Variants in TNFRSF10D observed in about 807,000 individuals in gnomAD.
The protein encoded by TNFRSF10D is TNF receptor superfamily member 10d.
TNFRSF10D carries 28 observed loss-of-function variants against 42.1 expected under a neutral mutation model. The observed-to-expected ratio is 0.66, with a 90% CI of 0.49 to 0.91. The LOEUF (loss-of-function observed/expected upper bound fraction) is 0.91. Among genes scored for constraint, TNFRSF10D ranks in the 40% least tolerant of loss-of-function variants. The pLI, the probability that TNFRSF10D is intolerant of heterozygous loss-of-function variation, is 0.00. For synonymous variants in TNFRSF10D, 186 were observed against 189.4 expected (o/e 0.98, Z 0.15); for missense variants, 503 against 486.1 (o/e 1.03, Z -0.33).
rs183889744 is a variant in TNFRSF10D at position 23,136,206 on chromosome 8, A to G, written c.*1664T>C. 1,416 of 244,132 alleles carry G rather than the reference A, an allele frequency of 5.8e-3. No individual in the cohort carries two copies. Among genetic ancestry groups the G allele is most frequent in the African/African-American group, 0.021 (901 of 43,872 alleles). 15.1% of individuals were successfully genotyped at this position (244,132 alleles called of 1,614,324 possible). ...TGTGGAGAAGAGTTTGCTGGAAAGA[A>G]GCTAAAACGATTACTGAGGTTTTTA... is the stretch of plus-strand genomic sequence containing the variant. On this transcript the variant is annotated 3_prime_UTR_variant, in exon 9 of 9. Coordinates refer to ENST00000312584, the MANE Select transcript of TNFRSF10D (RefSeq NM_003840.5).
Position 23,154,924 on chromosome 8 carries a change from A to G in TNFRSF10D, c.206T>C (p.Val69Ala), listed in dbSNP as rs137870102. The change falls in exon 2 of 9, where the codon GTG (valine) becomes GCG (alanine). Residue 69 changes from valine (V) to alanine (A), a missense_variant. Physicochemically the swap from Val to Ala is moderately conservative, Grantham distance 64. Transcript: ENST00000312584. Reference protein sequence around the residue: ...PRQDEVPQQTVAPQQQRRSLK... With the variant: ...PRQDEVPQQTAAPQQQRRSLK... ...GCTGCGCCTCTGTTGCTGTGGGGCC[A>G]CTGTCTGCTGGGGAACTTCGTCCTG... is the stretch of plus-strand genomic sequence containing the variant. 8,106 of 1,613,048 alleles carry G rather than the reference A, an allele frequency of 5.0e-3. 29 individuals carry two copies. Among genetic ancestry groups the G allele is most frequent in the African/African-American group, 6.8e-3 (505 of 74,308 alleles).
At chr8:23,162,413 G>A (rs1800379673) in intron 1 of TNFRSF10D, among the ~76,000 whole-genome samples, 1 of 152,178 alleles carries the variant, frequency 6.6e-6, no homozygotes, top group Middle Eastern at 3.2e-3. Flanking sequence ...ATTTTTGAGA[G>A]GTGAAAATGT....
intron 1 of TNFRSF10D, among the ~76,000 whole-genome samples, chr8:23,157,361 T>C (rs1800295323): frequency 1.3e-5 from 2 of 152,252 alleles, no homozygotes; most frequent in Admixed American, 6.5e-5. Context: ...TTTAGAAGTG[T>C]ATTGTTCAAT....
At chr8:23,149,688 G>C (rs774615145) in intron 2 of TNFRSF10D, among the ~76,000 whole-genome samples, 830 of 151,688 alleles carry the variant, frequency 5.5e-3, no homozygotes, top group African/African-American at 0.017. Flanking sequence ...ATCCCCCAGC[G>C]CCTGCACCCT....
chr8:23,137,931 A>G lies in TNFRSF10D; in HGVS notation c.1100T>C (p.Val367Ala). 1.9e-6 allele frequency: 3 copies of G among 1,614,226 alleles called. No homozygotes were observed. The highest frequency in any genetic ancestry group is 2.5e-6 in the Non-Finnish European group (3 of 1,180,042). Residue 367 changes from valine to alanine, a missense_variant, in exon 9 of 9, where the codon GTG becomes GCG. Val to Ala is a moderately conservative substitution (Grantham distance 64). Coordinates refer to ENST00000312584, the MANE Select transcript of TNFRSF10D (RefSeq NM_003840.5). Reference protein sequence around the residue: ...HAKETIQDQLVGSEKLFYEED... With the variant: ...HAKETIQDQLAGSEKLFYEED... The stretch of plus-strand genomic sequence containing the variant: ...TTCATAAAAGAGCTTTTCGGAGCCC[A>G]CCAGTTGGTCCTGAATTGTTTCCTT...
At position 23,163,857 on chromosome 8, in the gene TNFRSF10D, C is replaced by G. The variant is rs763788001; in HGVS notation, c.79G>C (p.Gly27Arg). ...GRYPGARTAS[G>R]TRPWLLDPKI... The stretch of plus-strand genomic sequence containing the variant: ...GGGTCCAGGAGCCATGGTCTGGTTC[C>G]CGACGCTGTCCTGGCTCCTGGATAG... The change falls in exon 1 of 9, where the codon GGA becomes CGA. Residue 27 changes from glycine to arginine, a missense_variant. Gly to Arg is a moderately radical substitution (Grantham distance 125, BLOSUM62 -2). Transcript: ENST00000312584. 1.9e-5 allele frequency: 31 copies of G among 1,605,964 alleles called. No homozygotes were observed. Among genetic ancestry groups the G allele is most frequent in the Non-Finnish European group, 2.5e-5 (29 of 1,177,428 alleles).
chr8:23,138,798 G>C (rs1422153357), intron 7 of TNFRSF10D, among the ~76,000 whole-genome samples: 918 of 152,198 alleles, frequency 6.0e-3, no homozygotes, highest in African/African-American at 0.019. Context: ...AAATTAAACA[G>C]CAATTCTGAT....
chr8:23,144,777 T>C, intron 6 of TNFRSF10D, 142 bp from the exon 7 acceptor site: 1 of 1,092,962 alleles, frequency 9.1e-7, no homozygotes, highest in Non-Finnish European at 1.3e-6. Flanking sequence ...CAGGACCCCA[T>C]GCTGAGGTGG....
chr8:23,139,459 A>G (rs1563353786), intron 7 of TNFRSF10D, among the ~76,000 whole-genome samples: 1 of 152,312 alleles, frequency 6.6e-6, no homozygotes, highest in East Asian at 1.9e-4. Flanking sequence ...ATACATTTTG[A>G]AAAAGTATGG....
intron 1 of TNFRSF10D, among the ~76,000 whole-genome samples, chr8:23,158,505 G>A (rs1192907339): frequency 2.6e-5 from 4 of 152,114 alleles, no homozygotes; most frequent in Admixed American, 2.6e-4. Context: ...TGTTTTTTCA[G>A]CCCTTCCAAA....
intron 3 of TNFRSF10D, among the ~76,000 whole-genome samples, chr8:23,147,996 C>T (rs1423530020): frequency 1.1e-4 from 16 of 140,406 alleles, no homozygotes; most frequent in Non-Finnish European, 1.4e-4. Flanking sequence ...ACTCAGGAGG[C>T]GGAGCTTGCA....
chr8:23,156,637 T>A (rs1800284474), intron 1 of TNFRSF10D, among the ~76,000 whole-genome samples: 1 of 151,812 alleles, frequency 6.6e-6, no homozygotes, highest in Non-Finnish European at 1.5e-5. Context: ...TAATCTCTGC[T>A]CACTACAATC....
chr8:23,147,600 TAGA>T lies in TNFRSF10D; in HGVS notation c.371-531_371-529del, dbSNP rs567772830. On this transcript the variant is annotated intron_variant, in intron 3 of 8. Coordinates refer to ENST00000312584, the MANE Select transcript of TNFRSF10D (RefSeq NM_003840.5). Reference sequence around the variant, plus strand: ...CCCCACCCGGCTGCAGGCAATAGTTTAGAAGATTTCCCAGCCTGGTGGCATGCA... The same window carrying T: ...CCCCACCCGGCTGCAGGCAATAGTTTAGATTTCCCAGCCTGGTGGCATGCA... Among the ~76,000 whole-genome samples the T allele has an allele frequency of 5.9e-5, 9 of 152,320 alleles. No individual in the cohort carries two copies. In the South Asian group the frequency reaches 1.9e-3, roughly 32 times the overall value.
rs182184835 is a variant in TNFRSF10D at position 23,135,931 on chromosome 8, C to T, written c.*1939G>A. On this transcript the variant is annotated 3_prime_UTR_variant, in exon 9 of 9. Transcript: ENST00000312584. ...AGGAGGCAGCAGCACCCTGTGTCAT[C>T]CAGAAGTGCAGGGGACAAGGTGTGG... 155 of 448,780 alleles carry T rather than the reference C, an allele frequency of 3.5e-4. 1 individual carries two copies. The highest frequency in any genetic ancestry group is 2.9e-3 in the African/African-American group (143 of 49,952). 27.8% of individuals were successfully genotyped at this position (448,780 alleles called of 1,614,324 possible).
At chr8:23,161,787 G>C (rs1185864960) in intron 1 of TNFRSF10D, among the ~76,000 whole-genome samples, 1 of 152,234 alleles carries the variant, frequency 6.6e-6, no homozygotes, top group African/African-American at 2.4e-5. Context: ...AACTAGGTGT[G>C]AGTGTAAGCT....
Position 23,154,939 on chromosome 8 carries a change from A to T in TNFRSF10D, c.191T>A (p.Val64Asp). 1 of 1,612,742 alleles carries T rather than the reference A, an allele frequency of 6.2e-7. No individual in the cohort carries two copies. Among genetic ancestry groups the T allele is most frequent in the Non-Finnish European group, 8.5e-7 (1 of 1,179,760 alleles). The change falls in exon 2 of 9, where the codon GTT becomes GAT. Residue 64 changes from valine (V) to aspartate (D), a missense_variant. Val to Asp is a radical substitution (Grantham distance 152, BLOSUM62 -3). Coordinates refer to ENST00000312584, the MANE Select transcript of TNFRSF10D (RefSeq NM_003840.5). ...DSATIPRQDE[V>D]PQQTVAPQQQ... is the part of the protein sequence containing the mutation. Reference sequence around the variant, plus strand: ...CTGTGGGGCCACTGTCTGCTGGGGAACTTCGTCCTGCCGGGGGATGGTGGC... The same window carrying T: ...CTGTGGGGCCACTGTCTGCTGGGGATCTTCGTCCTGCCGGGGGATGGTGGC...
At chr8:23,151,216 A>T (rs994541399) in intron 2 of TNFRSF10D, among the ~76,000 whole-genome samples, 1 of 152,222 alleles carries the variant, frequency 6.6e-6, no homozygotes, top group African/African-American at 2.4e-5. Context: ...TTCTCAGCAG[A>T]AAACCTACAG....
In TNFRSF10D at chr8:23,149,593, A is replaced by G. The variant is rs902749631; in HGVS notation, c.257-1042T>C. ...AAATAAAATAACAAAATAAAATCCA[A>G]CCTCATCTACATGTGATCTGCCCAT... On this transcript the variant is annotated intron_variant, in intron 2 of 8. Coordinates refer to ENST00000312584, the MANE Select transcript of TNFRSF10D (RefSeq NM_003840.5). Among the ~76,000 whole-genome samples the G allele has an allele frequency of 7.9e-4, 119 of 151,074 alleles. 1 individual carries two copies. The highest frequency in any genetic ancestry group is 2.8e-3 in the African/African-American group (116 of 41,098).
At chr8:23,144,745 G>A (rs1435767438) in intron 6 of TNFRSF10D, 110 bp from the exon 7 acceptor site, 2 of 1,325,438 alleles carry the variant, frequency 1.5e-6, no homozygotes, top group Non-Finnish European at 2.1e-6. Flanking sequence ...GGTCACCCCA[G>A]GCAGCTGAGG....
Sources: gnomAD v4.1 joint callset for allele counts (sites outside exome capture counted in the v4.1 genomes callset) on GRCh38, gnomAD v4.1.1 for gene constraint, MANE v1.5 for transcripts, NCBI Gene and HGNC (gene_info 2026-07-23, HGNC 2026-07-21) for gene names.